CKM: variants seen among roughly 807,000 people sequenced by gnomAD.
CKM encodes creatine kinase, M-type.
In CKM, 28 loss-of-function variants were observed where a neutral mutation model predicts 35.4. The ratio of observed to expected loss-of-function variants is 0.79; its 90% CI spans 0.59 to 1.08. CKM has a LOEUF of 1.08. CKM is among the 50% of genes least tolerant of loss of function. The probability of loss-of-function intolerance (pLI) is 0.00; values close to 1 mark genes in which losing one functional copy is unlikely to be tolerated. For synonymous variants in CKM, 215 were observed against 204.4 expected (o/e 1.05, Z -0.44); for missense variants, 484 against 509.8 (o/e 0.95, Z 0.49).
At chr19:45,308,656 G>T in intron 5 of CKM, 124 bp from the exon 6 acceptor site, 2 of 1,226,112 alleles carry the variant, frequency 1.6e-6, no homozygotes, top group Non-Finnish European at 2.4e-6. Context: ...GAGGTGGGTG[G>T]CATCTGCCTC....
Position 45,308,413 on chromosome 19 carries a change from T to G in CKM, c.773A>C (p.Gln258Pro), listed in dbSNP as rs775878391. The change falls in exon 6 of 8, where the codon CAG becomes CCG. Residue 258 changes from glutamine to proline, a missense_variant. Physicochemically the swap from Gln to Pro is moderately conservative, Grantham distance 76. Transcript: ENST00000221476. ...EVFRRFCVGL[Q>P]KIEEIFKKAG... Reference sequence around the variant, plus strand: ...CAGCTAAGGGCAGACACCCACCTTCTGCAGCCCTACGCAGAAGCGGCGGAA... The same window carrying G: ...CAGCTAAGGGCAGACACCCACCTTCGGCAGCCCTACGCAGAAGCGGCGGAA... 6.2e-7 allele frequency: 1 copy of G among 1,614,186 alleles called. No individual in the cohort carries two copies. Among genetic ancestry groups the G allele is most frequent in the Non-Finnish European group, 8.5e-7 (1 of 1,180,010 alleles).
At position 45,308,434 on chromosome 19, in the gene CKM, C is replaced by G. The variant is rs149354459; in HGVS notation, c.752G>C (p.Arg251Pro). Residue 251 changes from arginine (R) to proline (P), a missense_variant, in exon 6 of 8, where the codon CGC becomes CCC. Coordinates refer to ENST00000221476, the MANE Select transcript of CKM (RefSeq NM_001824.5). ...CTTCTGCAGCCCTACGCAGAAGCGG[C>G]GGAAAACCTCCTTCATGTTGCCCCC... ...EKGGNMKEVF[R>P]RFCVGLQKIE... The G allele has an allele frequency of 2.6e-3, 4,214 of 1,614,140 alleles. 12 individuals are homozygous for G. The highest frequency in any genetic ancestry group is 3.0e-3 in the Non-Finnish European group (3,577 of 1,180,012).
At chr19:45,307,068 T>TG in intron 7 of CKM, 140 bp from the exon 8 acceptor site, 1 of 800,354 alleles carries the variant, frequency 1.2e-6, no homozygotes, top group Non-Finnish European at 2.1e-6. Flanking sequence ...GTAATGCCTG[T>TG]TCATTCGTGA....
intron 4 of CKM, among the ~76,000 whole-genome samples, chr19:45,313,109 T>C (rs1166461522): frequency 6.6e-6 from 1 of 152,202 alleles, no homozygotes; most frequent in African/African-American, 2.4e-5. Flanking sequence ...CCTCGTTTTA[T>C]TGCATTTTGC....
intron 5 of CKM, 132 bp from the exon 6 acceptor site, chr19:45,308,664 C>T (rs1301899988): frequency 8.2e-6 from 9 of 1,103,558 alleles, no homozygotes; most frequent in African/African-American, 3.1e-5. Flanking sequence ...TGGCATCTGC[C>T]TCCTCAAAAC....
intron 3 of CKM, 131 bp from the exon 4 acceptor site, chr19:45,315,728 T>C: frequency 8.1e-7 from 1 of 1,232,800 alleles, no homozygotes; most frequent in Non-Finnish European, 1.1e-6. Flanking sequence ...TGATTGGGTG[T>C]GTGGAGCCTC....
chr19:45,319,766 T>C (rs891134109), intron 1 of CKM, 35 bp from the exon 2 acceptor site: 2 of 1,515,594 alleles, frequency 1.3e-6, no homozygotes, highest in African/African-American at 1.4e-5. Flanking sequence ...GATTGAAGAT[T>C]AGCTGGCATC....
At chr19:45,316,886 C>T (rs17875609) in intron 3 of CKM, among the ~76,000 whole-genome samples, 2,410 of 151,810 alleles carry the variant, frequency 0.016, 31 homozygotes, top group Non-Finnish European at 0.025. Context: ...TGGGTTTCAC[C>T]GTGTTGGTCA....
At chr19:45,314,636 A>G (rs188678709) in intron 4 of CKM, among the ~76,000 whole-genome samples, 17 of 151,390 alleles carry the variant, frequency 1.1e-4, no homozygotes, top group Admixed American at 9.9e-4. Context: ...CTGGTCTCAA[A>G]CTCCTGACCT....
intron 6 of CKM, 78 bp from the exon 7 acceptor site, chr19:45,307,728 A>G: frequency 8.1e-7 from 1 of 1,239,808 alleles, no homozygotes; most frequent in Non-Finnish European, 1.2e-6. Context: ...CAGGGTCCGG[A>G]GGGACAGGGC....
At position 45,318,121 on chromosome 19, in the gene CKM, A is replaced by G. The variant is rs370509495; in HGVS notation, c.194-142T>C. On this transcript the variant is annotated intron_variant, in intron 2 of 7. Coordinates refer to ENST00000221476, the MANE Select transcript of CKM (RefSeq NM_001824.5). ...TACCTCTGGGTGGGAATTGAGAATCATAAGGGTTGGGCACAGTGGCTCATG... is the reference window on the plus strand; with the variant it reads ...TACCTCTGGGTGGGAATTGAGAATCGTAAGGGTTGGGCACAGTGGCTCATG... 64 of 681,606 alleles carry G rather than the reference A, an allele frequency of 9.4e-5. 1 individual carries two copies. The South Asian group carries it at 1.1e-3, about 12-fold the overall frequency. The allele number at this position is 681,606 out of a possible 1,614,324, so 42.2% of individuals were successfully genotyped here.
chr19:45,318,802 C>T (rs1475523917), intron 2 of CKM, among the ~76,000 whole-genome samples: 1 of 151,994 alleles, frequency 6.6e-6, no homozygotes, highest in Non-Finnish European at 1.5e-5. Context: ...TCCCAGCTCT[C>T]TTCGCCTTGC....
At chr19:45,312,300 A>G (rs1223586821) in intron 4 of CKM, among the ~76,000 whole-genome samples, 2 of 152,232 alleles carry the variant, frequency 1.3e-5, no homozygotes, top group African/African-American at 4.8e-5. Context: ...ATTATAAAGT[A>G]GAATGGTAGC....
In CKM at chr19:45,317,927, G is replaced by T; in HGVS notation, c.246C>A (p.Tyr82Ter). Residue 82 changes from tyrosine (Y) to a stop codon, truncating the protein, a stop_gained, in exon 3 of 8, where the codon TAC becomes TAA. Coordinates refer to ENST00000221476, the MANE Select transcript of CKM (RefSeq NM_001824.5). LOFTEE classifies it high-confidence loss of function. Reference protein sequence around the residue: ...VGCVAGDEESYEVFKELFDPI... With the variant: ...VGCVAGDEES ...GGTCAAAGAGTTCCTTGAAAACTTC[G>T]TAGGACTCCTCATCACCAGCCACGC... is the stretch of plus-strand genomic sequence containing the variant. 2 of 1,613,832 alleles carry T rather than the reference G, an allele frequency of 1.2e-6. No homozygotes were observed. Among genetic ancestry groups the T allele is most frequent in the Non-Finnish European group, 1.7e-6 (2 of 1,179,904 alleles).
chr19:45,312,486 G>A (rs940512265), intron 4 of CKM, among the ~76,000 whole-genome samples: 6 of 151,510 alleles, frequency 4.0e-5, no homozygotes, highest in South Asian at 2.1e-4. Flanking sequence ...GCAATGGCGC[G>A]ATCTTGGCTC....
At chr19:45,310,813 C>A (rs1242793694) in intron 5 of CKM, among the ~76,000 whole-genome samples, 1 of 133,742 alleles carries the variant, frequency 7.5e-6, no homozygotes, top group African/African-American at 2.9e-5. Context: ...TCCTGTCGCC[C>A]AGGCTGGAGT....
At chr19:45,314,941 G>A (rs1238444118) in intron 4 of CKM, among the ~76,000 whole-genome samples, 1 of 151,902 alleles carries the variant, frequency 6.6e-6, no homozygotes, top group African/African-American at 2.4e-5. Context: ...TGAACTCCTG[G>A]GCTCAAGCGA....
intron 4 of CKM, among the ~76,000 whole-genome samples, chr19:45,314,170 A>C (rs1346792981): frequency 4.7e-5 from 7 of 149,132 alleles, no homozygotes; most frequent in Non-Finnish European, 9.0e-5. Context: ...GAAGAAAAGA[A>C]AGGAAAGGAA....
chr19:45,312,974 A>C (rs1027755948), intron 4 of CKM, among the ~76,000 whole-genome samples: 3 of 151,930 alleles, frequency 2.0e-5, no homozygotes, highest in Non-Finnish European at 4.4e-5. Context: ...AAAGAAAAAA[A>C]ATTGTGTGTT....
Sources: gnomAD v4.1 joint callset for allele counts (sites outside exome capture counted in the v4.1 genomes callset) on GRCh38, gnomAD v4.1.1 for gene constraint, MANE v1.5 for transcripts, NCBI Gene and HGNC (gene_info 2026-07-23, HGNC 2026-07-21) for gene names.